PPIL2: variants seen among roughly 807,000 people sequenced by gnomAD.
The protein encoded by PPIL2 is peptidylprolyl isomerase like 2.
In PPIL2, 50 loss-of-function variants were observed where a neutral mutation model predicts 75.2. The ratio of observed to expected loss-of-function variants is 0.66; its 90% CI spans 0.53 to 0.84. PPIL2 has a LOEUF of 0.84. Among genes scored for constraint, PPIL2 ranks in the 40% least tolerant of loss-of-function variants. PPIL2 has a pLI of 0.00. For synonymous variants in PPIL2, 245 were observed against 258.8 expected (o/e 0.95, Z 0.51); for missense variants, 590 against 685.0 (o/e 0.86, Z 1.55).
Position 21,695,780 on chromosome 22 carries a change from C to G in PPIL2, c.*290C>G, listed in dbSNP as rs1216381596. The G allele has an allele frequency of 8.0e-7, 1 of 1,247,298 alleles. No homozygotes were observed. Among genetic ancestry groups the G allele is most frequent in the African/African-American group, 1.5e-5 (1 of 64,964 alleles). 77.3% of individuals were successfully genotyped at this position (1,247,298 alleles called of 1,614,324 possible). On this transcript the variant is annotated 3_prime_UTR_variant, in exon 20 of 20. Coordinates refer to ENST00000398831, the MANE Select transcript of PPIL2 (RefSeq NM_014337.4). ...CAGGCTGGTGCCTCAGGCCTCCCCT[C>G]TAGTAGGCAGGCCAGGTTAGTGAGG...
chr22:21,695,647 G>A lies in PPIL2; in HGVS notation c.*157G>A. 1 of 1,455,008 alleles carries A rather than the reference G, an allele frequency of 6.9e-7. No individual in the cohort carries two copies. Among genetic ancestry groups the A allele is most frequent in the Non-Finnish European group, 9.1e-7 (1 of 1,100,438 alleles). The allele number at this position is 1,455,008 out of a possible 1,614,324, so 90.1% of individuals were successfully genotyped here. ...CTTTCCTGGCCCCTGGGAGCCCACA[G>A]CCTTCCCATCCCTTAACCTGTTGCC... On this transcript the variant is annotated 3_prime_UTR_variant, in exon 20 of 20. Transcript: ENST00000398831.
rs997302645 is a variant in PPIL2 at position 21,679,932 on chromosome 22, A to G, written c.296-1367A>G. Among the ~76,000 whole-genome samples the G allele has an allele frequency of 2.6e-5, 4 of 151,920 alleles. No homozygotes were observed. The East Asian group carries it at 5.9e-4, about 22-fold the overall frequency. ...GAAACCCCGTCTCTACTAAAAAAAT[A>G]CAAAAAATTAGCCGGGCATGGTGGC... On this transcript the variant is annotated intron_variant, in intron 6 of 19. Transcript: ENST00000398831.
chr22:21,669,137 CCT>C (rs749342667), intron 1 of PPIL2, among the ~76,000 whole-genome samples: 19 of 152,044 alleles, frequency 1.2e-4, no homozygotes, highest in Admixed American at 5.2e-4. Context: ...GCGTGAGCCA[CCT>C]TGCCCGGCCG....
rs2067205650 is a variant in PPIL2 at position 21,683,199 on chromosome 22, C to T, written c.495C>T (p.Asp165=). 1 of 1,613,480 alleles carries T rather than the reference C, an allele frequency of 6.2e-7. No individual in the cohort carries two copies. The highest frequency in any genetic ancestry group is 1.1e-5 in the South Asian group (1 of 91,070). ...TGCCACAGGACCCCACCAATTTGGA[C>T]AAGTTCAATGTCTCTAACTTCTATC... ...IITLQDPTNL[D]KFNVSNFYHV... The change falls in exon 9 of 20, where the codon GAC becomes GAT. Residue 165 remains aspartate (D), a synonymous_variant. Coordinates refer to ENST00000398831, the MANE Select transcript of PPIL2 (RefSeq NM_014337.4).
intron 15 of PPIL2, among the ~76,000 whole-genome samples, chr22:21,689,322 G>T (rs1041767421): frequency 1.3e-5 from 2 of 152,246 alleles, no homozygotes; most frequent in Non-Finnish European, 2.9e-5. Flanking sequence ...GGGGCCGGAT[G>T]CCTGTATTGT....
chr22:21,691,755 G>C (rs2067650344), intron 15 of PPIL2, among the ~76,000 whole-genome samples: 1 of 152,080 alleles, frequency 6.6e-6, no homozygotes, highest in Non-Finnish European at 1.5e-5. Flanking sequence ...CCTCTTATCT[G>C]AGTTTAATTC....
intron 15 of PPIL2, 132 bp from the exon 16 acceptor site, chr22:21,693,684 C>A: frequency 1.1e-6 from 1 of 924,246 alleles, no homozygotes; most frequent in Non-Finnish European, 1.7e-6. Flanking sequence ...GAACCACGTG[C>A]ACACATGCGT....
chr22:21,687,126 G>A lies in PPIL2; in HGVS notation c.897+128G>A, dbSNP rs1049995397. On this transcript the variant is annotated intron_variant, in intron 12 of 19. Coordinates refer to ENST00000398831, the MANE Select transcript of PPIL2 (RefSeq NM_014337.4). Reference sequence around the variant, plus strand: ...AGGAAATTCAGCCTGTCACTAGGCGGGACCCGCAGCAGTGCCCTGTGTCCT... The same window carrying A: ...AGGAAATTCAGCCTGTCACTAGGCGAGACCCGCAGCAGTGCCCTGTGTCCT... 34 of 892,002 alleles carry A rather than the reference G, an allele frequency of 3.8e-5. No homozygotes were observed. In the Middle Eastern group the frequency reaches 8.8e-4, roughly 23 times the overall value. 55.3% of individuals were successfully genotyped at this position (892,002 alleles called of 1,614,324 possible). A position where few individuals can be genotyped will look rare whatever the true frequency, so the allele number is the denominator to read the frequency against.
At chr22:21,693,587 C>A (rs377444435) in intron 15 of PPIL2, among the ~76,000 whole-genome samples, 9 of 152,340 alleles carry the variant, frequency 5.9e-5, no homozygotes, top group South Asian at 2.1e-4. Context: ...GCAGCCGGGG[C>A]AGCAGGAAGA....
At position 21,697,372 on chromosome 22, in the gene PPIL2, C is replaced by T; in HGVS notation, c.*1882C>T. On this transcript the variant is annotated 3_prime_UTR_variant, in exon 20 of 20. Transcript: ENST00000398831. ...GGCCCTGACTGACTGTATTCTCTGGCCACATTCAAGTCCCCCATTGGTGGG... is the reference window on the plus strand; with the variant it reads ...GGCCCTGACTGACTGTATTCTCTGGTCACATTCAAGTCCCCCATTGGTGGG... 4.3e-6 allele frequency: 1 copy of T among 230,608 alleles called. No homozygotes were observed. The allele number at this position is 230,608 out of a possible 1,614,324, so 14.3% of individuals were successfully genotyped here.
chr22:21,691,842 C>T (rs1002296058), intron 15 of PPIL2, among the ~76,000 whole-genome samples: 5 of 152,228 alleles, frequency 3.3e-5, no homozygotes, highest in East Asian at 3.8e-4. Context: ...AGGTCTGCAC[C>T]GTTGCAGATG....
At chr22:21,674,920 G>A in intron 5 of PPIL2, 144 bp from the exon 6 acceptor site, 2 of 687,654 alleles carry the variant, frequency 2.9e-6, no homozygotes, top group Non-Finnish European at 4.9e-6. Context: ...TGAGGTCCTT[G>A]CAGGGTCTTG....
In PPIL2 at chr22:21,692,365, A is replaced by G. The variant is rs565665744; in HGVS notation, c.1140-1451A>G. Among the ~76,000 whole-genome samples the G allele has an allele frequency of 2.0e-3, 302 of 151,390 alleles. 4 individuals carry two copies. In the East Asian group the frequency reaches 0.029, roughly 15 times the overall value. ...GAGATGGGGTTTCACCGTGTTAGCG[A>G]GGATGGTCTCGATCTCCTGACCTTG... is the stretch of plus-strand genomic sequence containing the variant. On this transcript the variant is annotated intron_variant, in intron 15 of 19. Transcript: ENST00000398831.
chr22:21,674,569 CGT>C (rs547161755), intron 5 of PPIL2, among the ~76,000 whole-genome samples: 112 of 152,144 alleles, frequency 7.4e-4, no homozygotes, highest in African/African-American at 2.6e-3. Flanking sequence ...GGTGTGGTGG[CGT>C]GTGTCTGTAG....
In PPIL2 at chr22:21,696,094, C is replaced by G; in HGVS notation, c.*604C>G. On this transcript the variant is annotated 3_prime_UTR_variant, in exon 20 of 20. Coordinates refer to ENST00000398831, the MANE Select transcript of PPIL2 (RefSeq NM_014337.4). The stretch of plus-strand genomic sequence containing the variant: ...AACGCCATTACCTGGGACAAGTTTT[C>G]AGACCCCAGACTTACTGAGCCTAAG... 1 of 959,490 alleles carries G rather than the reference C, an allele frequency of 1.0e-6. No individual in the cohort carries two copies. The highest frequency in any genetic ancestry group is 1.2e-6 in the Non-Finnish European group (1 of 802,658). The allele number at this position is 959,490 out of a possible 1,614,324, so 59.4% of individuals were successfully genotyped here.
chr22:21,686,264 TATC>T (rs1419335353), intron 10 of PPIL2, among the ~76,000 whole-genome samples: 6 of 152,224 alleles, frequency 3.9e-5, no homozygotes, highest in Non-Finnish European at 7.4e-5. Flanking sequence ...TTTCACCTGA[TATC>T]ATAAGAGTCG....
downstream of PPIL2, chr22:21,698,412 A>G (rs966739999): frequency 2.0e-5 from 3 of 152,388 alleles, no homozygotes; most frequent in Non-Finnish European, 4.4e-5. Flanking sequence ...GAACTTTAGT[A>G]TATACAAAAA....
At chr22:21,690,197 A>T (rs1159940535) in intron 15 of PPIL2, among the ~76,000 whole-genome samples, 2 of 152,160 alleles carry the variant, frequency 1.3e-5, no homozygotes, top group African/African-American at 4.8e-5. Flanking sequence ...AGCCTGGGCA[A>T]CATGGCAAAA....
chr22:21,668,501 C>T (rs113290502), intron 1 of PPIL2, among the ~76,000 whole-genome samples: 2,116 of 150,718 alleles, frequency 0.014, 50 homozygotes, highest in African/African-American at 0.049. Context: ...TGGTGGCAGG[C>T]GCCTGTAGTA....
Sources: gnomAD v4.1 joint callset for allele counts (sites outside exome capture counted in the v4.1 genomes callset) on GRCh38, gnomAD v4.1.1 for gene constraint, MANE v1.5 for transcripts, NCBI Gene and HGNC (gene_info 2026-07-23, HGNC 2026-07-21) for gene names.